CTNND2: variants seen among roughly 807,000 people sequenced by gnomAD.
CTNND2 encodes the protein catenin delta-2.
CTNND2 carries 22 observed loss-of-function variants against 144.4 expected under a neutral mutation model. The observed-to-expected ratio is 0.15, with a 90% CI of 0.11 to 0.22. The LOEUF is 0.22. Ranked by LOEUF, CTNND2 falls within the 10% of genes least tolerant of loss-of-function variation. CTNND2 has a pLI of 1.00. For missense variants in CTNND2, 1,353 were observed against 1,618.8 expected (o/e 0.84, Z 2.82); for synonymous variants, 751 against 695.6 (o/e 1.08, Z -1.25).
intron 12 of CTNND2, among the ~76,000 whole-genome samples, chr5:11,132,426 A>C (rs1327696772): frequency 6.6e-6 from 1 of 152,178 alleles, no homozygotes; most frequent in Admixed American, 6.5e-5. Flanking sequence ...GGTCATAAGG[A>C]TGAGAACCTT....
At chr5:11,052,225 T>C (rs1402210298) in intron 16 of CTNND2, among the ~76,000 whole-genome samples, 1 of 152,208 alleles carries the variant, frequency 6.6e-6, no homozygotes, top group South Asian at 2.1e-4. Flanking sequence ...TCTGGCTTTT[T>C]TTTCCATGAT....
chr5:11,570,831 T>C (rs542519165), intron 2 of CTNND2, among the ~76,000 whole-genome samples: 1 of 152,222 alleles, frequency 6.6e-6, no homozygotes, highest in South Asian at 2.1e-4. Flanking sequence ...TTTAATGCTT[T>C]TCTCCTCCTT....
intron 2 of CTNND2, among the ~76,000 whole-genome samples, chr5:11,676,679 G>C (rs1317665357): frequency 6.6e-5 from 10 of 150,554 alleles, no homozygotes; most frequent in Admixed American, 5.3e-4. Context: ...ATATTGGTTT[G>C]TGATACATGT....
intron 9 of CTNND2, among the ~76,000 whole-genome samples, chr5:11,248,822 G>A (rs1436276337): frequency 6.6e-6 from 1 of 152,178 alleles, no homozygotes. Context: ...ATACTTTGGG[G>A]CTGACGGTTT....
intron 9 of CTNND2, among the ~76,000 whole-genome samples, chr5:11,261,631 G>A (rs886884148): frequency 2.6e-5 from 4 of 152,178 alleles, no homozygotes; most frequent in Admixed American, 2.6e-4. Flanking sequence ...GATGCCCCGA[G>A]GGCAAAACAT....
At chr5:11,410,774 TACTA>T (rs1561352226) in intron 5 of CTNND2, among the ~76,000 whole-genome samples, 3 of 152,256 alleles carry the variant, frequency 2.0e-5, no homozygotes, top group Middle Eastern at 3.4e-3. Flanking sequence ...AAATAGATAA[TACTA>T]AGAGTACACC....
chr5:11,072,518 A>G (rs1748443502), intron 16 of CTNND2, among the ~76,000 whole-genome samples: 1 of 152,250 alleles, frequency 6.6e-6, no homozygotes, highest in Admixed American at 6.5e-5. Flanking sequence ...AATGGACAGT[A>G]TATTGTTACG....
chr5:11,585,729 C>T (rs956915093), intron 2 of CTNND2, among the ~76,000 whole-genome samples: 2 of 151,966 alleles, frequency 1.3e-5, no homozygotes, highest in Non-Finnish European at 2.9e-5. Flanking sequence ...GAAAATAAGA[C>T]GATGGGGAGA....
chr5:11,260,077 C>T lies in CTNND2; in HGVS notation c.1629-23254G>A, dbSNP rs1004572357. 4.6e-5 allele frequency among the ~76,000 whole-genome samples: 7 copies of T among 152,084 alleles called. 1 individual carries two copies. Among genetic ancestry groups the T allele is most frequent in the Admixed American group, 1.3e-4 (2 of 15,274 alleles). Reference sequence around the variant, plus strand: ...ATCTATCAGTCTGTTTCATTACATCCGAGATGGCCCTTCCTTGAATGATGT... The same window carrying T: ...ATCTATCAGTCTGTTTCATTACATCTGAGATGGCCCTTCCTTGAATGATGT... On this transcript the variant is annotated intron_variant, in intron 9 of 21. Transcript: ENST00000304623.
At chr5:11,676,949 C>T (rs1784204845) in intron 2 of CTNND2, among the ~76,000 whole-genome samples, 1 of 152,154 alleles carries the variant, frequency 6.6e-6, no homozygotes, top group Admixed American at 6.5e-5. Flanking sequence ...ATCTCATTCT[C>T]TTTAAAAGAT....
chr5:11,663,883 ATTAGTTTG>A (rs1783410633), intron 2 of CTNND2, among the ~76,000 whole-genome samples: 1 of 152,174 alleles, frequency 6.6e-6, no homozygotes, highest in African/African-American at 2.4e-5. Flanking sequence ...TCTAAATTAT[ATTAGTTTG>A]TGAAATTAAA....
intron 1 of CTNND2, among the ~76,000 whole-genome samples, chr5:11,804,024 G>A (rs1465721346): frequency 2.0e-5 from 3 of 152,056 alleles, no homozygotes; most frequent in Non-Finnish European, 2.9e-5. Flanking sequence ...TATGAGTTCT[G>A]TACTTCTATA....
intron 9 of CTNND2, among the ~76,000 whole-genome samples, chr5:11,291,397 G>C (rs536016108): frequency 6.6e-6 from 1 of 151,940 alleles, no homozygotes; most frequent in Admixed American, 6.6e-5. Context: ...CCTATTCATT[G>C]GTCCCAAGTT....
At chr5:11,223,917 C>CA (rs1303172354) in intron 10 of CTNND2, among the ~76,000 whole-genome samples, 2 of 152,056 alleles carry the variant, frequency 1.3e-5, no homozygotes, top group African/African-American at 4.8e-5. Context: ...ATACAATGTG[C>CA]AAAAAATAGA....
intron 7 of CTNND2, among the ~76,000 whole-genome samples, chr5:11,372,441 T>C (rs1213332609): frequency 6.6e-6 from 1 of 152,208 alleles, no homozygotes; most frequent in East Asian, 1.9e-4. Context: ...TGTCAAGCTT[T>C]GCATTTTTAC....
intron 6 of CTNND2, among the ~76,000 whole-genome samples, chr5:11,393,477 C>T (rs1468805017): frequency 1.3e-5 from 2 of 152,068 alleles, no homozygotes; most frequent in Admixed American, 6.5e-5. Flanking sequence ...ATTTTTTATT[C>T]GGACATGGGG....
intron 1 of CTNND2, among the ~76,000 whole-genome samples, chr5:11,839,451 T>A (rs937008696): frequency 1.3e-5 from 2 of 151,866 alleles, no homozygotes; most frequent in African/African-American, 4.9e-5. Flanking sequence ...ATTTTTTTTT[T>A]AAACTATTGC....
At chr5:11,706,140 T>A (rs903335046) in intron 2 of CTNND2, among the ~76,000 whole-genome samples, 1 of 152,156 alleles carries the variant, frequency 6.6e-6, no homozygotes, top group African/African-American at 2.4e-5. Context: ...GGAAGCAGAT[T>A]CTTTTCCAGC....
At chr5:11,662,847 T>G (rs1195251784) in intron 2 of CTNND2, among the ~76,000 whole-genome samples, 1 of 152,114 alleles carries the variant, frequency 6.6e-6, no homozygotes, top group East Asian at 1.9e-4. Context: ...AAAACTGTCT[T>G]CCGCAAAACT....
Sources: allele counts gnomAD v4.1 joint callset (sites outside exome capture counted in the v4.1 genomes callset), GRCh38; gene constraint gnomAD v4.1.1; transcripts MANE v1.5; gene names NCBI Gene and HGNC (gene_info 2026-07-23, HGNC 2026-07-21).